The following FHIT variants were observed in gnomAD, a reference collection of about 807,000 sequenced individuals.
The protein encoded by FHIT is bis(5'-adenosyl)-triphosphatase.
In FHIT, 19 loss-of-function variants were observed where a neutral mutation model predicts 17.9. The ratio of observed to expected loss-of-function variants is 1.06; its 90% CI spans 0.74 to 1.56. The LOEUF is 1.56. Ranked by LOEUF, FHIT falls within the 40% of genes most tolerant of loss-of-function variation. The pLI is 0.00. For missense variants in FHIT, 248 were observed against 189.2 expected, an observed-to-expected ratio of 1.31 and a Z score of -1.82; for synonymous variants, 81 against 69.7, an observed-to-expected ratio of 1.16 and a Z score of -0.81.
chr3:60,058,447 G>C (rs212001), intron 5 of FHIT, among the ~76,000 whole-genome samples: 5,832 of 152,182 alleles, frequency 0.038, 173 homozygotes, highest in South Asian at 0.094. Context: ...GTTTCTATTT[G>C]AGATGACAGA....
intron 3 of FHIT, among the ~76,000 whole-genome samples, chr3:60,871,104 T>C (rs1024227875): frequency 6.6e-5 from 10 of 152,174 alleles, no homozygotes; most frequent in Admixed American, 5.9e-4. Context: ...GGTTCTTGCC[T>C]TTCTGTCCTT....
intron 2 of FHIT, among the ~76,000 whole-genome samples, chr3:61,050,142 T>C (rs1402254989): frequency 6.6e-6 from 1 of 152,192 alleles, no homozygotes; most frequent in Admixed American, 6.5e-5. Context: ...ATTAAATAAA[T>C]CGGTTTGCTT....
At chr3:60,823,545 T>C (rs1839070) in intron 3 of FHIT, among the ~76,000 whole-genome samples, 89,862 of 151,930 alleles carry the variant, frequency 0.59, 27,842 homozygotes, top group African/African-American at 0.77. Context: ...ATTGGAGTTA[T>C]GTAGCTGCAA....
chr3:60,789,156 GTATATA>G (rs782494801), intron 4 of FHIT, among the ~76,000 whole-genome samples: 16 of 131,138 alleles, frequency 1.2e-4, no homozygotes, highest in Non-Finnish European at 1.6e-4. Flanking sequence ...GTGTGTGTGT[GTATATA>G]TATATATATA....
At chr3:60,304,056 T>C (rs1460380847) in intron 5 of FHIT, among the ~76,000 whole-genome samples, 1 of 152,172 alleles carries the variant, frequency 6.6e-6, no homozygotes, top group African/African-American at 2.4e-5. Flanking sequence ...GGCTCTTGCT[T>C]GTCTCCTTTA....
intron 4 of FHIT, among the ~76,000 whole-genome samples, chr3:60,723,958 A>AT (rs2041863015): frequency 6.6e-6 from 1 of 152,216 alleles, no homozygotes; most frequent in African/African-American, 2.4e-5. Context: ...GCCCTGTGGC[A>AT]TCTCTTTTTT....
chr3:60,195,595 AATT>A (rs1702603039), intron 5 of FHIT, among the ~76,000 whole-genome samples: 1 of 103,058 alleles, frequency 9.7e-6, no homozygotes, highest in Non-Finnish European at 1.9e-5. Context: ...ATTTATATAT[AATT>A]ATATATATGT....
chr3:61,242,930 C>A (rs534916896), intron 1 of FHIT, among the ~76,000 whole-genome samples: 4 of 152,296 alleles, frequency 2.6e-5, no homozygotes, highest in Non-Finnish European at 5.9e-5. Flanking sequence ...CTAGGAGCAA[C>A]TGGGGAGGTT....
chr3:60,357,667 A>AAAATATTCTGTGGATGTTGT (rs1219980225), intron 5 of FHIT, among the ~76,000 whole-genome samples: 2 of 152,222 alleles, frequency 1.3e-5, no homozygotes, highest in African/African-American at 4.8e-5. Flanking sequence ...ATCCAACATG[A>AAAATATTCTGTGGATGTTGT]AAATATTCTG....
chr3:60,182,821 T>C (rs941996735), intron 5 of FHIT, among the ~76,000 whole-genome samples: 11 of 151,306 alleles, frequency 7.3e-5, no homozygotes, highest in African/African-American at 2.7e-4. Flanking sequence ...TCCAAATGAG[T>C]TGTTAGTTCC....
intron 3 of FHIT, among the ~76,000 whole-genome samples, chr3:60,827,988 G>A (rs187378032): frequency 6.6e-6 from 1 of 152,246 alleles, no homozygotes; most frequent in East Asian, 1.9e-4. Context: ...AATAGCACAG[G>A]GATATATTTT....
chr3:60,054,830 A>G (rs930615169), intron 5 of FHIT, among the ~76,000 whole-genome samples: 2 of 152,142 alleles, frequency 1.3e-5, no homozygotes, highest in Non-Finnish European at 2.9e-5. Flanking sequence ...AAATGTTTAA[A>G]TATCATCCTT....
chr3:60,767,380 A>C (rs2108066873), intron 4 of FHIT, among the ~76,000 whole-genome samples: 1 of 152,278 alleles, frequency 6.6e-6, no homozygotes, highest in East Asian at 1.9e-4. Flanking sequence ...ACAATATTTT[A>C]TTTAATTCTT....
chr3:60,482,432 T>C (rs1315944946), intron 5 of FHIT, among the ~76,000 whole-genome samples: 1 of 152,094 alleles, frequency 6.6e-6, no homozygotes, highest in Non-Finnish European at 1.5e-5. Context: ...TAATTTGAAG[T>C]AAAACACTCC....
intron 8 of FHIT, among the ~76,000 whole-genome samples, chr3:59,804,576 T>C (rs1167772054): frequency 6.6e-6 from 1 of 152,216 alleles, no homozygotes; most frequent in Admixed American, 6.5e-5. Context: ...TTTGGGGGTC[T>C]AAATAGCCTC....
At chr3:60,256,189 T>C (rs910004320) in intron 5 of FHIT, among the ~76,000 whole-genome samples, 3 of 152,178 alleles carry the variant, frequency 2.0e-5, no homozygotes, top group African/African-American at 7.2e-5. Context: ...TCCCAATTTA[T>C]GCCTCTTAAA....
intron 4 of FHIT, among the ~76,000 whole-genome samples, chr3:60,542,098 A>G (rs529467371): frequency 2.0e-5 from 3 of 152,190 alleles, no homozygotes; most frequent in African/African-American, 7.2e-5. Flanking sequence ...GCCCTTATAC[A>G]TAATTTTTAA....
chr3:60,782,233 G>GTATATA (rs775581148), intron 4 of FHIT, among the ~76,000 whole-genome samples: 27 of 133,144 alleles, frequency 2.0e-4, no homozygotes, highest in African/African-American at 7.5e-4. Flanking sequence ...GTGTGTGTGT[G>GTATATA]TGTGTATATA....
intron 3 of FHIT, among the ~76,000 whole-genome samples, chr3:60,900,735 A>G (rs976447714): frequency 3.9e-5 from 6 of 152,162 alleles, no homozygotes; most frequent in Admixed American, 2.6e-4. Flanking sequence ...TAAAATCAGA[A>G]TTCATTATAA....
Sources: gnomAD v4.1 joint callset for allele counts (sites outside exome capture counted in the v4.1 genomes callset) on GRCh38, gnomAD v4.1.1 for gene constraint, MANE v1.5 for transcripts, NCBI Gene and HGNC (gene_info 2026-07-23, HGNC 2026-07-21) for gene names.